XKR4: variants seen among roughly 807,000 people sequenced by gnomAD.
The protein encoded by XKR4 is XK-related protein 4.
XKR4 carries 12 observed loss-of-function variants against 53.9 expected under a neutral mutation model. That is an observed-to-expected ratio of 0.22 (90% CI 0.14 to 0.36). The LOEUF (loss-of-function observed/expected upper bound fraction) is 0.36, where lower values mean the gene tolerates loss of function less well. XKR4 is among the 10% of genes least tolerant of loss of function. XKR4 has a pLI of 1.00. For synonymous variants in XKR4, 354 were observed against 362.4 expected (o/e 0.98, Z 0.26); for missense variants, 799 against 859.5 (o/e 0.93, Z 0.88).
At chr8:55,462,916 A>G (rs1293802269) in intron 2 of XKR4, among the ~76,000 whole-genome samples, 2 of 152,232 alleles carry the variant, frequency 1.3e-5, no homozygotes, top group African/African-American at 4.8e-5. Flanking sequence ...ATTCAAAAAG[A>G]AGAACTAACT....
chr8:55,407,137 T>G lies in XKR4; in HGVS notation c.1006+49260T>G, dbSNP rs139758595. ...TGGAGTCCTAAGGTGGCTGCAGGAC[T>G]CCAAATGAACAATCTCAAAATCACA... On this transcript the variant is annotated intron_variant, in intron 2 of 2. Transcript: ENST00000327381. 4.1e-4 allele frequency among the ~76,000 whole-genome samples: 63 copies of G among 152,220 alleles called. 1 individual carries two copies. The highest frequency in any genetic ancestry group is 1.4e-3 in the African/African-American group (60 of 41,534).
Position 55,540,627 on chromosome 8 carries a change from G to A in XKR4, c.*16400G>A, listed in dbSNP as rs904157469. 8 of 152,138 alleles carry A rather than the reference G, an allele frequency of 5.3e-5. No individual in the cohort carries two copies. The highest frequency in any genetic ancestry group is 1.7e-4 in the African/African-American group (7 of 41,436). 9.4% of individuals were successfully genotyped at this position (152,138 alleles called of 1,614,324 possible). ...GCAAATTACATTTTTCCCATTCTCAGAACAAAGACAGCAACCAATGAGCCA... is the reference window on the plus strand; with the variant it reads ...GCAAATTACATTTTTCCCATTCTCAAAACAAAGACAGCAACCAATGAGCCA... On this transcript the variant is annotated 3_prime_UTR_variant, in exon 3 of 3. Coordinates refer to ENST00000327381, the MANE Select transcript of XKR4 (RefSeq NM_052898.2).
chr8:55,131,325 T>G (rs2129353077), intron 1 of XKR4, among the ~76,000 whole-genome samples: 1 of 152,316 alleles, frequency 6.6e-6, no homozygotes, highest in South Asian at 2.1e-4. Flanking sequence ...ACAGGAAGGT[T>G]TTCCTCCTGC....
chr8:55,380,381 G>A (rs1804213882), intron 2 of XKR4, among the ~76,000 whole-genome samples: 1 of 152,220 alleles, frequency 6.6e-6, no homozygotes, highest in Non-Finnish European at 1.5e-5. Context: ...AGGAGTGCAA[G>A]AGTGCAAGAC....
intron 2 of XKR4, 81 bp downstream of exon 2, chr8:55,357,958 T>C (rs1385033008): frequency 7.1e-7 from 1 of 1,401,916 alleles, no homozygotes; most frequent in Non-Finnish European, 9.7e-7. Flanking sequence ...ACTGTCCTAA[T>C]GCCCTTTGTT....
chr8:55,458,641 G>A (rs907258862), intron 2 of XKR4, among the ~76,000 whole-genome samples: 2 of 152,214 alleles, frequency 1.3e-5, no homozygotes, highest in African/African-American at 4.8e-5. Flanking sequence ...GCTGGAAAGG[G>A]AATGGAGTGG....
chr8:55,492,132 G>C lies in XKR4; in HGVS notation c.1007-31149G>C, dbSNP rs1321160059. On this transcript the variant is annotated intron_variant, in intron 2 of 2. Transcript: ENST00000327381. ...CAGGCAAAGAGCCAGGGCAATTGCTGGTCTCACCTAATTTATTTTCTTTCT... is the reference window on the plus strand; with the variant it reads ...CAGGCAAAGAGCCAGGGCAATTGCTCGTCTCACCTAATTTATTTTCTTTCT... Among the ~76,000 whole-genome samples the C allele has an allele frequency of 5.9e-5, 9 of 152,014 alleles. No individual in the cohort carries two copies. The East Asian group carries it at 1.5e-3, about 26-fold the overall frequency.
chr8:55,141,671 C>CTCTCTCTCTCTCTCTCTCTCTCTCTG (rs748708972), intron 1 of XKR4, among the ~76,000 whole-genome samples: 1,484 of 134,826 alleles, frequency 0.011, 28 homozygotes, highest in Non-Finnish European at 0.015. Flanking sequence ...CTCTCTCTCT[C>CTCTCTCTCTCTCTCTCTCTCTCTCTG]TGTGTGTGTG....
At chr8:55,510,830 C>T (rs1388858621) in intron 2 of XKR4, among the ~76,000 whole-genome samples, 1 of 152,132 alleles carries the variant, frequency 6.6e-6, no homozygotes, top group African/African-American at 2.4e-5. Context: ...CAAGTGATGC[C>T]CTAAGAGTTG....
intron 2 of XKR4, among the ~76,000 whole-genome samples, chr8:55,441,700 T>C (rs1158596727): frequency 3.3e-5 from 5 of 152,110 alleles, no homozygotes; most frequent in Admixed American, 3.3e-4. Flanking sequence ...ATTAAAAAAA[T>C]ATAACTTAAT....
chr8:55,511,137 G>A (rs983516384), intron 2 of XKR4, among the ~76,000 whole-genome samples: 7 of 152,104 alleles, frequency 4.6e-5, no homozygotes, highest in Non-Finnish European at 1.0e-4. Flanking sequence ...CAGGGGGTGG[G>A]ACGCTGGAAA....
intron 2 of XKR4, among the ~76,000 whole-genome samples, chr8:55,402,528 G>A (rs1804615880): frequency 6.6e-6 from 1 of 152,182 alleles, no homozygotes; most frequent in South Asian, 2.1e-4. Context: ...CCTGTGGGAG[G>A]CCACATGCAC....
intron 1 of XKR4, among the ~76,000 whole-genome samples, chr8:55,129,122 T>C (rs2129352850): frequency 6.6e-6 from 1 of 152,324 alleles, no homozygotes; most frequent in East Asian, 1.9e-4. Context: ...TCATAAAGTT[T>C]TTGAGACAGC....
In XKR4 at chr8:55,523,972, G is replaced by A. The variant is rs943036716; in HGVS notation, c.1698G>A (p.Arg566=). 2 of 1,614,018 alleles carry A rather than the reference G, an allele frequency of 1.2e-6. No individual in the cohort carries two copies. Among genetic ancestry groups the A allele is most frequent in the African/African-American group, 1.3e-5 (1 of 74,910 alleles). ...ACCGCGATCAGAAATTCGCAGAGCG[G>A]GATGGGTGTGTACCTGTCTTTCAAG... ...VSDRDQKFAE[R]DGCVPVFQVR... Residue 566 remains arginine, a synonymous_variant, in exon 3 of 3, where the codon CGG becomes CGA. Coordinates refer to ENST00000327381, the MANE Select transcript of XKR4 (RefSeq NM_052898.2).
intron 1 of XKR4, among the ~76,000 whole-genome samples, chr8:55,322,943 T>C (rs1475033504): frequency 6.6e-6 from 1 of 152,212 alleles, no homozygotes; most frequent in Non-Finnish European, 1.5e-5. Context: ...TGAATAAATG[T>C]TGTAAAAATA....
At chr8:55,506,330 A>G (rs1213242065) in intron 2 of XKR4, among the ~76,000 whole-genome samples, 1 of 152,216 alleles carries the variant, frequency 6.6e-6, no homozygotes, top group Non-Finnish European at 1.5e-5. Flanking sequence ...TCACAGCAAA[A>G]ATCAGATACC....
chr8:55,144,508 G>A (rs142974488), intron 1 of XKR4, among the ~76,000 whole-genome samples: 21 of 152,224 alleles, frequency 1.4e-4, no homozygotes, highest in African/African-American at 4.8e-4. Flanking sequence ...TGCCATGATG[G>A]ATTTTGGCCT....
In XKR4 at chr8:55,526,832, A is replaced by T. The variant is rs530279494; in HGVS notation, c.*2605A>T. On this transcript the variant is annotated 3_prime_UTR_variant, in exon 3 of 3. Coordinates refer to ENST00000327381, the MANE Select transcript of XKR4 (RefSeq NM_052898.2). ...ATGAATACTATGTCAATGAAAAATG[A>T]TGTACTGTGCTTTGACTTGGAGGTG... The T allele has an allele frequency of 1.3e-5, 2 of 152,228 alleles. No individual in the cohort carries two copies. Among genetic ancestry groups the T allele is most frequent in the Non-Finnish European group, 2.9e-5 (2 of 68,040 alleles). The allele number at this position is 152,228 out of a possible 1,614,324, so 9.4% of individuals were successfully genotyped here.
chr8:55,511,951 G>T (rs550532862), intron 2 of XKR4, among the ~76,000 whole-genome samples: 1 of 152,148 alleles, frequency 6.6e-6, no homozygotes, highest in Admixed American at 6.5e-5. Flanking sequence ...CAGAGGGGGA[G>T]TGGAGTGGGG....
Sources: gnomAD v4.1 joint callset for allele counts (sites outside exome capture counted in the v4.1 genomes callset) on GRCh38, gnomAD v4.1.1 for gene constraint, MANE v1.5 for transcripts, NCBI Gene and HGNC (gene_info 2026-07-23, HGNC 2026-07-21) for gene names.